Variants in ATRNL1 observed in about 807,000 individuals in gnomAD.
ATRNL1 encodes the protein attractin-like protein 1.
ATRNL1 carries 95 observed loss-of-function variants against 182.7 expected under a neutral mutation model. That is an observed-to-expected ratio of 0.52 (90% CI 0.44 to 0.62). The LOEUF is 0.62. Among genes scored for constraint, ATRNL1 ranks in the 20% least tolerant of loss-of-function variants. The pLI is 0.00. For missense variants in ATRNL1, 1,471 were observed against 1,679.5 expected (o/e 0.88, Z 2.17); for synonymous variants, 576 against 568.3 (o/e 1.01, Z -0.19).
intron 8 of ATRNL1, among the ~76,000 whole-genome samples, chr10:115,186,484 A>G (rs1847945930): frequency 1.3e-5 from 2 of 152,162 alleles, no homozygotes; most frequent in South Asian, 4.1e-4. Context: ...AGGAATGGAT[A>G]AAGAAAAAAT....
At chr10:115,330,601 C>T (rs1415722161) in intron 18 of ATRNL1, among the ~76,000 whole-genome samples, 1 of 149,688 alleles carries the variant, frequency 6.7e-6, no homozygotes, top group Non-Finnish European at 1.5e-5. Context: ...ATCCCGCTCT[C>T]TCTTGGCCTG....
chr10:115,259,400 C>CTG (rs1851301909), intron 10 of ATRNL1, among the ~76,000 whole-genome samples: 1 of 152,208 alleles, frequency 6.6e-6, no homozygotes, highest in South Asian at 2.1e-4. Context: ...GAGCAAGGCT[C>CTG]TGTGGGTGTG....
intron 24 of ATRNL1, among the ~76,000 whole-genome samples, chr10:115,508,962 A>C (rs1366942069): frequency 6.6e-6 from 1 of 152,100 alleles, no homozygotes; most frequent in Non-Finnish European, 1.5e-5. Context: ...GCTTGACATC[A>C]AAATTCAAAA....
chr10:115,817,880 T>G (rs1382915766), intron 27 of ATRNL1, among the ~76,000 whole-genome samples: 5 of 13,520 alleles, frequency 3.7e-4, no homozygotes, highest in Non-Finnish European at 7.7e-4. Flanking sequence ...ACGTTGTGTT[T>G]TTTTTTTTTT....
intron 26 of ATRNL1, among the ~76,000 whole-genome samples, chr10:115,646,036 T>TACACACACACACACACACACACAC (rs58679995): frequency 7.1e-5 from 10 of 141,664 alleles, no homozygotes; most frequent in Non-Finnish European, 1.4e-4. Context: ...TTTTAAAATT[T>TACACACACACACACACACACACAC]ACACACACAC....
chr10:115,589,378 T>C (rs575917927), intron 26 of ATRNL1, among the ~76,000 whole-genome samples: 1 of 152,310 alleles, frequency 6.6e-6, no homozygotes, highest in Admixed American at 6.5e-5. Context: ...GAAAATATTA[T>C]ATTTATTCAC....
chr10:115,918,813 T>C (rs991235908), intron 28 of ATRNL1, among the ~76,000 whole-genome samples: 27 of 152,222 alleles, frequency 1.8e-4, no homozygotes, highest in African/African-American at 6.0e-4. Context: ...GGTCTTGATC[T>C]AGGTCTGAAG....
intron 26 of ATRNL1, among the ~76,000 whole-genome samples, chr10:115,698,785 A>T (rs1391224915): frequency 2.6e-5 from 4 of 152,112 alleles, no homozygotes; most frequent in Non-Finnish European, 5.9e-5. Context: ...TCAAAAAAAA[A>T]AAGAAGAAGA....
intron 5 of ATRNL1, among the ~76,000 whole-genome samples, chr10:115,149,954 T>A: frequency 6.6e-6 from 1 of 151,680 alleles, no homozygotes; most frequent in East Asian, 1.9e-4. Flanking sequence ...ACTTTGGCCG[T>A]GAAGCCGTCC....
At chr10:115,265,354 T>G (rs1032493996) in intron 11 of ATRNL1, 77 bp downstream of exon 11, 21 of 907,436 alleles carry the variant, frequency 2.3e-5, no homozygotes, top group Admixed American at 7.0e-5. Context: ...GTATTCTTTT[T>G]GAAAATTATC....
At chr10:115,402,859 G>A (rs1351167611) in intron 20 of ATRNL1, among the ~76,000 whole-genome samples, 3 of 152,098 alleles carry the variant, frequency 2.0e-5, no homozygotes, top group Non-Finnish European at 4.4e-5. Flanking sequence ...CAGAATTAGG[G>A]CACAGAAGAA....
chr10:115,175,316 T>C (rs1487061236), intron 8 of ATRNL1, among the ~76,000 whole-genome samples: 2 of 152,086 alleles, frequency 1.3e-5, no homozygotes, highest in Non-Finnish European at 2.9e-5. Flanking sequence ...TTTATTCTGA[T>C]CAACTATTAG....
At chr10:115,528,209 A>C (rs534992570) in intron 25 of ATRNL1, among the ~76,000 whole-genome samples, 13 of 82,952 alleles carry the variant, frequency 1.6e-4, no homozygotes, top group African/African-American at 6.6e-4. Context: ...CATTGGTATT[A>C]GTTATTTTTT....
chr10:115,820,062 G>T (rs782285258), intron 27 of ATRNL1: 1 of 151,958 alleles, frequency 6.6e-6, no homozygotes, highest in East Asian at 1.9e-4. Context: ...TCCAAAATAC[G>T]GCTCAATATT....
chr10:115,117,562 T>C (rs1844547130), intron 1 of ATRNL1, among the ~76,000 whole-genome samples: 1 of 152,154 alleles, frequency 6.6e-6, no homozygotes, highest in Non-Finnish European at 1.5e-5. Flanking sequence ...TGAATAGTAA[T>C]TCATTGTGTT....
At chr10:115,843,087 C>A (rs1950847342) in intron 27 of ATRNL1, among the ~76,000 whole-genome samples, 1 of 152,090 alleles carries the variant, frequency 6.6e-6, no homozygotes, top group Non-Finnish European at 1.5e-5. Flanking sequence ...GTGACAACTT[C>A]ATTTATTCAT....
Position 115,621,254 on chromosome 10 carries a change from AATATATAT to A in ATRNL1, c.3795+71734_3795+71741del, listed in dbSNP as rs781830067. On this transcript the variant is annotated intron_variant, in intron 26 of 28. Coordinates refer to ENST00000355044, the MANE Select transcript of ATRNL1 (RefSeq NM_207303.4). ...TTCAAATAATGGCCATTGAGCTCTG[AATATATAT>A]ATATATATATATATAGAGAGAGAGA... Among the ~76,000 whole-genome samples, 394 of 71,314 alleles carry A rather than the reference AATATATAT, an allele frequency of 5.5e-3. 6 individuals are homozygous for A. Among genetic ancestry groups the A allele is most frequent in the Admixed American group, 7.9e-3 (45 of 5,694 alleles). 46.8% of individuals were successfully genotyped at this position (71,314 alleles called of 152,430 possible).
chr10:115,910,018 A>G (rs1258573090), intron 28 of ATRNL1, among the ~76,000 whole-genome samples: 1 of 152,060 alleles, frequency 6.6e-6, no homozygotes, highest in Admixed American at 6.5e-5. Flanking sequence ...GGAGGAGGAG[A>G]AGACCATGAG....
intron 27 of ATRNL1, among the ~76,000 whole-genome samples, chr10:115,842,666 A>G (rs1382370213): frequency 8.5e-6 from 1 of 117,294 alleles, no homozygotes; most frequent in African/African-American, 3.4e-5. Flanking sequence ...CTGGTATTCT[A>G]AATTGATTTT....
Sources: gnomAD v4.1 joint callset for allele counts (sites outside exome capture counted in the v4.1 genomes callset) on GRCh38, gnomAD v4.1.1 for gene constraint, MANE v1.5 for transcripts, NCBI Gene and HGNC (gene_info 2026-07-23, HGNC 2026-07-21) for gene names.